TRPS1: variants seen among roughly 807,000 people sequenced by gnomAD.
The protein encoded by TRPS1 is transcriptional repressor GATA binding 1.
In TRPS1, 6 loss-of-function variants were observed where a neutral mutation model predicts 101.2. The ratio of observed to expected loss-of-function variants is 0.06; its 90% confidence interval spans 0.03 to 0.12. The LOEUF is 0.12. Ranked by LOEUF, TRPS1 falls within the 10% of genes least tolerant of loss-of-function variation. The probability of loss-of-function intolerance (pLI) is 1.00; values close to 1 mark genes in which losing one functional copy is unlikely to be tolerated. For missense variants in TRPS1, 1,363 were observed against 1,567.0 expected (o/e 0.87, Z 2.20); for synonymous variants, 578 against 589.8 (o/e 0.98, Z 0.29).
At chr8:115,557,950 C>T (rs1277659088) in intron 5 of TRPS1, among the ~76,000 whole-genome samples, 1 of 152,060 alleles carries the variant, frequency 6.6e-6, no homozygotes, top group East Asian at 1.9e-4. Flanking sequence ...CACAAAAACA[C>T]TACTACTTGT....
chr8:115,428,990 G>C (rs1354506577), intron 5 of TRPS1, among the ~76,000 whole-genome samples: 3 of 152,134 alleles, frequency 2.0e-5, no homozygotes, highest in Non-Finnish European at 4.4e-5. Flanking sequence ...TTTCATGATA[G>C]AGGTACTGTG....
chr8:115,461,237 AGATAAATAGACAAG>A (rs1814160999), intron 5 of TRPS1, among the ~76,000 whole-genome samples: 1 of 151,980 alleles, frequency 6.6e-6, no homozygotes, highest in South Asian at 2.1e-4. Context: ...ACAGATGGAA[AGATAAATAGACAAG>A]GATAGATAGA....
intron 5 of TRPS1, among the ~76,000 whole-genome samples, chr8:115,507,529 C>G (rs1190155179): frequency 6.6e-6 from 1 of 151,882 alleles, no homozygotes; most frequent in Non-Finnish European, 1.5e-5. Flanking sequence ...TACAGAGAAG[C>G]ACAGAAACGA....
At position 115,568,401 on chromosome 8, in the gene TRPS1, T is replaced by C. The variant is rs570247870; in HGVS notation, c.2700+18600A>G. On this transcript the variant is annotated intron_variant, in intron 5 of 6. Coordinates refer to ENST00000395715, the MANE Select transcript of TRPS1 (RefSeq NM_014112.5). The stretch of plus-strand genomic sequence containing the variant: ...CATAATTGTAAATTTTTCAGCTTTA[T>C]ACATCAGCATTTTACCATCATGAGA... 3.3e-5 allele frequency among the ~76,000 whole-genome samples: 5 copies of C among 152,308 alleles called. No homozygotes were observed. In the East Asian group the frequency reaches 7.7e-4, roughly 23 times the overall value.
chr8:115,504,344 C>A (rs1026887655), intron 5 of TRPS1, among the ~76,000 whole-genome samples: 6 of 152,146 alleles, frequency 3.9e-5, no homozygotes, highest in Non-Finnish European at 5.9e-5. Context: ...GTTGCAAATT[C>A]TATATTTGCA....
chr8:115,445,300 C>A (rs1251826025), intron 5 of TRPS1, among the ~76,000 whole-genome samples: 2 of 152,138 alleles, frequency 1.3e-5, no homozygotes, highest in Non-Finnish European at 1.5e-5. Flanking sequence ...AAGCTTCAGG[C>A]AACTTGCTTT....
At chr8:115,432,936 G>A (rs939851211) in intron 5 of TRPS1, among the ~76,000 whole-genome samples, 3 of 151,090 alleles carry the variant, frequency 2.0e-5, no homozygotes, top group East Asian at 1.9e-4. Flanking sequence ...ATTTACTAAC[G>A]CATGTGTATT....
chr8:115,622,414 G>T (rs1207450467), intron 2 of TRPS1, among the ~76,000 whole-genome samples: 1 of 152,062 alleles, frequency 6.6e-6, no homozygotes, highest in African/African-American at 2.4e-5. Flanking sequence ...GAAAAAATTA[G>T]TTATCATTTA....
intron 5 of TRPS1, among the ~76,000 whole-genome samples, chr8:115,456,705 A>T (rs1447847387): frequency 6.6e-6 from 1 of 152,124 alleles, no homozygotes; most frequent in African/African-American, 2.4e-5. Flanking sequence ...AGAAATACTA[A>T]GAAAATATAT....
intron 5 of TRPS1, among the ~76,000 whole-genome samples, chr8:115,531,150 G>T (rs1274006203): frequency 1.3e-5 from 2 of 152,066 alleles, no homozygotes; most frequent in Non-Finnish European, 2.9e-5. Flanking sequence ...AAGAACTTTT[G>T]ATTTGTTAAT....
chr8:115,648,520 G>A (rs574976620), intron 1 of TRPS1, among the ~76,000 whole-genome samples: 1 of 152,294 alleles, frequency 6.6e-6, no homozygotes, highest in South Asian at 2.1e-4. Flanking sequence ...AGGCAGGGCC[G>A]CAGACAGCAG....
chr8:115,427,750 G>A (rs1205287333), intron 5 of TRPS1, among the ~76,000 whole-genome samples: 4 of 150,612 alleles, frequency 2.7e-5, no homozygotes, highest in African/African-American at 7.3e-5. Flanking sequence ...AGAAAGAAAT[G>A]AGTCATCCTT....
chr8:115,476,741 T>C (rs920030905), intron 5 of TRPS1, among the ~76,000 whole-genome samples: 4 of 152,172 alleles, frequency 2.6e-5, no homozygotes, highest in Non-Finnish European at 5.9e-5. Context: ...TGAATTTTTA[T>C]AAATGTTTGA....
intron 5 of TRPS1, among the ~76,000 whole-genome samples, chr8:115,507,207 T>C (rs1016591128): frequency 6.6e-6 from 1 of 152,062 alleles, no homozygotes. Context: ...GTGAACAGGC[T>C]GCAAGCTCGT....
At chr8:115,623,247 G>T (rs1434103438) in intron 2 of TRPS1, among the ~76,000 whole-genome samples, 3 of 151,736 alleles carry the variant, frequency 2.0e-5, no homozygotes, top group Non-Finnish European at 4.4e-5. Flanking sequence ...TCTCTGAAAG[G>T]TCATTTGGGT....
rs551978549 is a variant in TRPS1, at chr8:115,410,321, C to T, written c.*3702G>A. ...TTATGTGCACATGTGCAATTATAAA[C>T]ATAATGTGCTACCACAGGCTTCAAC... is the stretch of plus-strand genomic sequence containing the variant. On this transcript the variant is annotated 3_prime_UTR_variant, in exon 7 of 7. Coordinates refer to ENST00000395715, the MANE Select transcript of TRPS1 (RefSeq NM_014112.5). 6.6e-6 allele frequency: 1 copy of T among 152,442 alleles called. No homozygotes were observed. Among genetic ancestry groups the T allele is most frequent in the Non-Finnish European group, 1.5e-5 (1 of 67,982 alleles). The allele number at this position is 152,442 out of a possible 1,614,324, so 9.4% of individuals were successfully genotyped here.
intron 1 of TRPS1, among the ~76,000 whole-genome samples, chr8:115,648,612 T>C (rs1411774408): frequency 1.3e-5 from 2 of 152,206 alleles, no homozygotes; most frequent in Non-Finnish European, 2.9e-5. Context: ...CTATTTCTGT[T>C]CCTGATCTGC....
rs1415240824 is a variant in TRPS1, at chr8:115,432,689, TTTAG to T, written c.2701-14241_2701-14238del. Among the ~76,000 whole-genome samples the T allele has an allele frequency of 9.9e-5, 15 of 151,834 alleles. No individual in the cohort carries two copies. The East Asian group carries it at 2.3e-3, about 23-fold the overall frequency. On this transcript the variant is annotated intron_variant, in intron 5 of 6. Coordinates refer to ENST00000395715, the MANE Select transcript of TRPS1 (RefSeq NM_014112.5). ...AGTAGAAAATCACCATTAGCAGAGG[TTTAG>T]TTAGTCAATCTAGTGCAGGATAAAA...
chr8:115,464,165 T>C (rs1444844346), intron 5 of TRPS1, among the ~76,000 whole-genome samples: 2 of 152,088 alleles, frequency 1.3e-5, no homozygotes, highest in East Asian at 3.8e-4. Flanking sequence ...AATAAAACAG[T>C]GAAAGCCTAG....
Sources: gnomAD v4.1 joint callset for allele counts (sites outside exome capture counted in the v4.1 genomes callset) on GRCh38, gnomAD v4.1.1 for gene constraint, MANE v1.5 for transcripts, NCBI Gene and HGNC (gene_info 2026-07-23, HGNC 2026-07-21) for gene names.